PARG: variants seen among roughly 807,000 people sequenced by gnomAD.
The protein encoded by PARG is mitochondrial poly(ADP-ribose) glycohydrolase.
PARG carries 35 observed loss-of-function variants against 113.0 expected under a neutral mutation model. The observed-to-expected ratio is 0.31, with a 90% CI of 0.24 to 0.41. The LOEUF (loss-of-function observed/expected upper bound fraction) is 0.41, where lower values mean the gene tolerates loss of function less well. Ranked by LOEUF, PARG falls within the 10% of genes least tolerant of loss-of-function variation. The pLI is 1.00. For synonymous variants in PARG, 330 were observed against 409.9 expected (o/e 0.81, Z 2.36); for missense variants, 797 against 1,169.4 (o/e 0.68, Z 4.64).
At chr10:49,850,467 T>A (rs2664632) in intron 13 of PARG, among the ~76,000 whole-genome samples, 12 of 152,216 alleles carry the variant, frequency 7.9e-5, no homozygotes, top group East Asian at 1.9e-4. Flanking sequence ...TTAGAAATAA[T>A]TTTTTTAAGG....
chr10:49,942,011 C>CT lies in PARG; in HGVS notation c.-287dup. 1.0e-6 allele frequency: 1 copy of CT among 997,640 alleles called. No homozygotes were observed. The highest frequency in any genetic ancestry group is 1.5e-6 in the Non-Finnish European group (1 of 677,330). 61.8% of individuals were successfully genotyped at this position (997,640 alleles called of 1,614,324 possible). On this transcript the variant is annotated 5_prime_UTR_variant, in exon 1 of 18. Transcript: ENST00000616448. ...GAAAGCTGCCGTCAGGCGCTTCCGG[C>CT]TTCCGGGGCGCACACTGCCGCAAAG... is the stretch of plus-strand genomic sequence containing the variant.
chr10:49,922,542 C>T lies in PARG; in HGVS notation c.1578+5G>A. The T allele has an allele frequency of 6.2e-7, 1 of 1,611,378 alleles. No individual in the cohort carries two copies. The highest frequency in any genetic ancestry group is 8.5e-7 in the Non-Finnish European group (1 of 1,179,598). Reference sequence around the variant, plus strand: ...AGACTAAAAGAATCTCGGTTTTGTTCTTACCTCATCTTCCACTGGGTACAA... The same window carrying T: ...AGACTAAAAGAATCTCGGTTTTGTTTTTACCTCATCTTCCACTGGGTACAA... On this transcript the variant is annotated splice_donor_5th_base_variant and intron_variant, in intron 5 of 17. Transcript: ENST00000616448.
chr10:49,920,615 C>CGT (rs1310380346), intron 6 of PARG, among the ~76,000 whole-genome samples: 1 of 141,746 alleles, frequency 7.1e-6, no homozygotes, highest in African/African-American at 2.6e-5. Flanking sequence ...TACATATATA[C>CGT]GTATATATAT....
chr10:49,876,838 CA>C (rs1846962063), intron 9 of PARG, among the ~76,000 whole-genome samples: 1 of 150,772 alleles, frequency 6.6e-6, no homozygotes, highest in Non-Finnish European at 1.5e-5. Context: ...GACTAAATAC[CA>C]GTATCTAAAA....
At position 49,941,719 on chromosome 10, in the gene PARG, C is replaced by T. The variant is rs1839092534; in HGVS notation, c.7G>A (p.Ala3Thr). ...GTGCAGGGTTCACAGCCGGGGCCCG[C>T]ATTCATGCTGGGACCAGCAGCGCAC... MN[A>T]GPGCEPCTKR... Residue 3 changes from alanine (A) to threonine (T), a missense_variant, in exon 1 of 18, where the codon GCG becomes ACG. By Grantham distance (58) the Ala-to-Thr change is moderately conservative. Around this residue, in one of 5 missense-constraint regions of PARG, gnomAD observed 27 missense variants for 54.3 expected, o/e 0.50. Coordinates refer to ENST00000616448, the MANE Select transcript of PARG (RefSeq NM_003631.5). 5.7e-6 allele frequency: 9 copies of T among 1,575,022 alleles called. No individual in the cohort carries two copies. The South Asian group carries it at 1.1e-4, about 18-fold the overall frequency.
intron 4 of PARG, among the ~76,000 whole-genome samples, chr10:49,929,880 A>G (rs1443745632): frequency 2.7e-5 from 4 of 150,734 alleles, no homozygotes; most frequent in African/African-American, 9.7e-5. Context: ...TACTTACTCT[A>G]ATATCAATAA....
At chr10:49,926,939 C>T (rs1159311655) in intron 4 of PARG, among the ~76,000 whole-genome samples, 20 of 152,144 alleles carry the variant, frequency 1.3e-4, no homozygotes, top group Admixed American at 1.2e-3. Flanking sequence ...TTGCTACAGA[C>T]GTCAGTGTCG....
intron 10 of PARG, among the ~76,000 whole-genome samples, chr10:49,866,748 C>T (rs1383985128): frequency 2.0e-5 from 3 of 152,104 alleles, no homozygotes; most frequent in Non-Finnish European, 2.9e-5. Context: ...CGTAACAAGG[C>T]AACTTTCATC....
intron 16 of PARG, among the ~76,000 whole-genome samples, chr10:49,829,852 GCAGA>G (rs1844569491): frequency 2.0e-5 from 3 of 151,988 alleles, no homozygotes; most frequent in Admixed American, 2.0e-4. Flanking sequence ...TTCCCTGTCA[GCAGA>G]CACATTTCTA....
chr10:49,934,603 ACTTTGGG>A (rs1838656581), intron 2 of PARG, among the ~76,000 whole-genome samples: 1 of 152,092 alleles, frequency 6.6e-6, no homozygotes, highest in Non-Finnish European at 1.5e-5. Flanking sequence ...TAATCCCAGC[ACTTTGGG>A]AGGTCGAGGC....
chr10:49,870,223 G>T (rs1346512825), intron 9 of PARG, among the ~76,000 whole-genome samples: 3 of 149,730 alleles, frequency 2.0e-5, no homozygotes, highest in Non-Finnish European at 3.0e-5. Context: ...GATAGAACTG[G>T]TGTCATTTTA....
chr10:49,869,197 G>T (rs1241723605), intron 10 of PARG, among the ~76,000 whole-genome samples: 22 of 151,652 alleles, frequency 1.5e-4, no homozygotes, highest in African/African-American at 5.3e-4. Context: ...ACTTTCTCTG[G>T]TTTTTATTCA....
chr10:49,922,220 G>C, intron 6 of PARG, 116 bp downstream of exon 6: 1 of 1,109,728 alleles, frequency 9.0e-7, no homozygotes, highest in Non-Finnish European at 1.3e-6. Flanking sequence ...TTAGTGCCAG[G>C]AAGCAAGCAT....
At chr10:49,940,463 TCA>T (rs1838976314) in intron 1 of PARG, among the ~76,000 whole-genome samples, 1 of 146,972 alleles carries the variant, frequency 6.8e-6, no homozygotes, top group Non-Finnish European at 1.5e-5. Context: ...GCCTCATCTC[TCA>T]CACTCTCTTG....
rs1456071339 is a variant in PARG, at chr10:49,933,540, G to A, written c.908C>T (p.Pro303Leu). ...PFEKESEPESPMDVDNSKNSC... is the reference protein window; with the variant it reads ...PFEKESEPESLMDVDNSKNSC... ...ATTTTTAGAATTATCCACATCCATC[G>A]GTGACTCGGGTTCACTTTCCTTCTC... The change falls in exon 3 of 18, where the codon CCG becomes CTG. Residue 303 changes from proline (P) to leucine (L), a missense_variant. This residue lies in a region of PARG where 252 missense variants were observed against 437.4 expected (regional missense o/e 0.58). Transcript: ENST00000616448. 8 of 1,611,002 alleles carry A rather than the reference G, an allele frequency of 5.0e-6. No homozygotes were observed. The highest frequency in any genetic ancestry group is 5.9e-6 in the Non-Finnish European group (7 of 1,177,432).
chr10:49,831,047 T>G (rs782377843), intron 16 of PARG, among the ~76,000 whole-genome samples: 5 of 152,146 alleles, frequency 3.3e-5, no homozygotes, highest in Non-Finnish European at 7.4e-5. Flanking sequence ...GTTAGATGGA[T>G]AGTTGAAAAC....
chr10:49,844,764 AACAAAAAACAAACG>A (rs1845424871), intron 13 of PARG, among the ~76,000 whole-genome samples: 1 of 152,184 alleles, frequency 6.6e-6, no homozygotes, highest in South Asian at 2.1e-4. Context: ...CAAAAACAAA[AACAAAAAACAAACG>A]AACAAACAAT....
intron 7 of PARG, among the ~76,000 whole-genome samples, chr10:49,899,351 C>T (rs1848247420): frequency 6.6e-6 from 1 of 152,274 alleles, no homozygotes; most frequent in East Asian, 1.9e-4. Flanking sequence ...GTGAAAATTT[C>T]TAACATTTAT....
chr10:49,906,523 C>T (rs1242688052), intron 7 of PARG, among the ~76,000 whole-genome samples: 4 of 151,956 alleles, frequency 2.6e-5, no homozygotes, highest in South Asian at 4.2e-4. Context: ...TGTCAAAGAC[C>T]GACTCTGACA....
Sources: gnomAD v4.1 joint callset for allele counts (sites outside exome capture counted in the v4.1 genomes callset) on GRCh38, gnomAD v4.1.1 for gene constraint, gnomAD v4.1.1 regional missense constraint, MANE v1.5 for transcripts, NCBI Gene and HGNC (gene_info 2026-07-23, HGNC 2026-07-21) for gene names.